Variants in RBFOX1 observed in about 807,000 individuals in gnomAD.
RBFOX1 encodes the protein RNA binding protein fox-1 homolog 1.
Under a neutral mutation model 57.7 loss-of-function variants are expected in RBFOX1, and 8 were observed. The ratio of observed to expected loss-of-function variants is 0.14; its 90% CI spans 0.08 to 0.25. The LOEUF (loss-of-function observed/expected upper bound fraction) is 0.25, where lower values mean the gene tolerates loss of function less well. RBFOX1 is among the 10% of genes least tolerant of loss of function. RBFOX1 has a pLI of 1.00. For missense variants in RBFOX1, 611 were observed against 548.5 expected (o/e 1.11, Z -1.14); for synonymous variants, 326 against 222.4 (o/e 1.47, Z -4.15).
chr16:6,367,748 T>TAAA (rs566126562), intron 2 of RBFOX1, among the ~76,000 whole-genome samples: 26,062 of 143,552 alleles, frequency 0.18, 4,823 homozygotes, highest in African/African-American at 0.48. Flanking sequence ...TTGCAATTGT[T>TAAA]AAAAAAAAAA....
At chr16:6,091,169 A>G (rs1265294869) in intron 1 of RBFOX1, among the ~76,000 whole-genome samples, 1 of 152,136 alleles carries the variant, frequency 6.6e-6, no homozygotes, top group Non-Finnish European at 1.5e-5. Context: ...ATCTAACTGT[A>G]GGTTTGCACC....
intron 3 of RBFOX1, among the ~76,000 whole-genome samples, chr16:6,892,770 GTCTCCCTCTCTCTC>G (rs1162278297): frequency 0.14 from 12,780 of 91,562 alleles, 946 homozygotes; most frequent in Middle Eastern, 0.24. Context: ...AAGCCTCCCT[GTCTCCCTCTCTCTC>G]TCTCTCTCTC....
intron 4 of RBFOX1, among the ~76,000 whole-genome samples, chr16:7,087,706 G>A (rs185921478): frequency 5.8e-4 from 89 of 152,220 alleles, no homozygotes; most frequent in African/African-American, 1.9e-3. Context: ...CTTGTGTAAG[G>A]AAAGAAGAGG....
chr16:5,661,675 A>G (rs994831878), intron 3 of RBFOX1, among the ~76,000 whole-genome samples: 5 of 152,248 alleles, frequency 3.3e-5, no homozygotes, highest in African/African-American at 9.6e-5. Context: ...GTTAGTTACT[A>G]TTGTGTATGG....
chr16:6,713,064 T>C (rs2064030331), intron 3 of RBFOX1, among the ~76,000 whole-genome samples: 1 of 151,954 alleles, frequency 6.6e-6, no homozygotes, highest in African/African-American at 2.4e-5. Context: ...TCCCCAGCCA[T>C]GTGAAACCAT....
chr16:6,800,085 C>G (rs918950628), intron 3 of RBFOX1, among the ~76,000 whole-genome samples: 2 of 152,164 alleles, frequency 1.3e-5, no homozygotes, highest in African/African-American at 4.8e-5. Context: ...AGTAAACTGT[C>G]ATGGTGCTGG....
chr16:5,851,466 G>A (rs72769039), intron 3 of RBFOX1, among the ~76,000 whole-genome samples: 2,498 of 152,278 alleles, frequency 0.016, 37 homozygotes, highest in Non-Finnish European at 0.025. Context: ...TGCACTGCCA[G>A]GGACGGCCTA....
At chr16:5,504,158 C>G (rs2043297153) in intron 2 of RBFOX1, among the ~76,000 whole-genome samples, 3 of 152,212 alleles carry the variant, frequency 2.0e-5, no homozygotes, top group Admixed American at 2.0e-4. Flanking sequence ...CTCAGGATTA[C>G]TCATTTCAAA....
At chr16:5,759,635 A>G (rs74006258) in intron 3 of RBFOX1, among the ~76,000 whole-genome samples, 3,616 of 152,234 alleles carry the variant, frequency 0.024, 145 homozygotes, top group African/African-American at 0.081. Context: ...CCATTTGGGT[A>G]GAAGCAAAGC....
chr16:5,478,684 G>C (rs2069416547), intron 2 of RBFOX1, among the ~76,000 whole-genome samples: 1 of 152,160 alleles, frequency 6.6e-6, no homozygotes, highest in African/African-American at 2.4e-5. Context: ...CTTCTCCACT[G>C]TTCTTTGTGC....
intron 2 of RBFOX1, among the ~76,000 whole-genome samples, chr16:5,556,021 A>G (rs565293127): frequency 2.0e-5 from 3 of 148,418 alleles, no homozygotes; most frequent in African/African-American, 7.9e-5. Flanking sequence ...ACTCTGTCTC[A>G]AAAAAACAAA....
At chr16:6,298,496 C>G (rs1307504612) in intron 1 of RBFOX1, among the ~76,000 whole-genome samples, 1 of 152,182 alleles carries the variant, frequency 6.6e-6, no homozygotes. Context: ...TCACAATAAT[C>G]AGAGAGTGAC....
intron 2 of RBFOX1, among the ~76,000 whole-genome samples, chr16:5,545,874 A>G (rs1238059221): frequency 1.3e-5 from 2 of 152,292 alleles, no homozygotes; most frequent in Non-Finnish European, 2.9e-5. Flanking sequence ...AAAGTAAAGG[A>G]TAAAATAGAT....
At chr16:5,466,316 C>G (rs1178083198) in intron 1 of RBFOX1, among the ~76,000 whole-genome samples, 1 of 152,148 alleles carries the variant, frequency 6.6e-6, no homozygotes, top group African/African-American at 2.4e-5. Context: ...GTGCAAGCAA[C>G]TGACTCAGCC....
At chr16:6,882,596 T>C (rs974652276) in intron 3 of RBFOX1, among the ~76,000 whole-genome samples, 2 of 151,812 alleles carry the variant, frequency 1.3e-5, no homozygotes, top group African/African-American at 2.4e-5. Flanking sequence ...ACTCTGAAAA[T>C]AAATAAATAT....
chr16:6,231,613 T>C (rs2097460864), intron 1 of RBFOX1, among the ~76,000 whole-genome samples: 1 of 152,180 alleles, frequency 6.6e-6, no homozygotes, highest in African/African-American at 2.4e-5. Flanking sequence ...CTGTTCTGAA[T>C]GGTTGATGAG....
intron 1 of RBFOX1, among the ~76,000 whole-genome samples, chr16:6,303,239 G>A (rs1393674228): frequency 2.0e-5 from 3 of 152,018 alleles, no homozygotes; most frequent in Non-Finnish European, 4.4e-5. Flanking sequence ...GCTTAGTTCC[G>A]ATCACTTCAG....
At position 6,701,523 on chromosome 16, in the gene RBFOX1, G is replaced by C. The variant is rs118115296; in HGVS notation, c.-16+46873G>C. Among the ~76,000 whole-genome samples, 254 of 152,322 alleles carry C rather than the reference G, an allele frequency of 1.7e-3. 4 individuals are homozygous for C. In the East Asian group the frequency reaches 0.028, roughly 17 times the overall value. ...CAAGCATGGCACCAGCATTTGCTCA[G>C]CTTCTGGTGAGGCCTCAGGAAGCTT... On this transcript the variant is annotated intron_variant, in intron 3 of 15. Transcript: ENST00000550418.
chr16:5,964,811 T>G lies in RBFOX1; in HGVS notation c.351+97476T>G, dbSNP rs1297431350. 5.3e-5 allele frequency among the ~76,000 whole-genome samples: 8 copies of G among 151,930 alleles called. No individual in the cohort carries two copies. The East Asian group carries it at 1.5e-3, about 29-fold the overall frequency. On this transcript the variant is annotated intron_variant, in intron 4 of 19. Transcript: ENST00000641259. ...CACACACATTGGTGCATATATACAT[T>G]TATATACCATATACACGTATATACA...
Sources: allele counts gnomAD v4.1 joint callset (sites outside exome capture counted in the v4.1 genomes callset), GRCh38; gene constraint gnomAD v4.1.1; transcripts MANE v1.5; gene names NCBI Gene and HGNC (gene_info 2026-07-23, HGNC 2026-07-21).